The following NEDD4L variants were observed in gnomAD, a reference collection of about 807,000 sequenced individuals.
NEDD4L encodes the protein E3 ubiquitin-protein ligase NEDD4-like.
In NEDD4L, 54 loss-of-function variants were observed where a neutral mutation model predicts 148.9. The observed-to-expected ratio is 0.36, with a 90% CI of 0.29 to 0.45. The LOEUF (loss-of-function observed/expected upper bound fraction) is 0.45, where lower values mean the gene tolerates loss of function less well. NEDD4L is among the 20% of genes least tolerant of loss of function. The pLI is 1.00. For missense variants in NEDD4L, 856 were observed against 1,233.8 expected (o/e 0.69, Z 4.59); for synonymous variants, 433 against 440.7 (o/e 0.98, Z 0.22).
intron 19 of NEDD4L, among the ~76,000 whole-genome samples, chr18:58,359,610 C>T (rs758992030): frequency 6.6e-6 from 1 of 151,700 alleles, no homozygotes; most frequent in Non-Finnish European, 1.5e-5. Context: ...AATTTCTTTG[C>T]CCACCATTGG....
intron 2 of NEDD4L, among the ~76,000 whole-genome samples, chr18:58,240,606 C>G (rs770083405): frequency 3.3e-5 from 5 of 152,160 alleles, no homozygotes; most frequent in Non-Finnish European, 7.4e-5. Flanking sequence ...CAGTTGGCCA[C>G]CCTGTTCTTT....
Position 58,074,966 on chromosome 18 carries a change from T to G in NEDD4L, c.48+30258T>G, listed in dbSNP as rs541017138. On this transcript the variant is annotated intron_variant, in intron 1 of 30. Transcript: ENST00000400345. The stretch of plus-strand genomic sequence containing the variant: ...AGGAGTGTGGAGTGTGAGAGAAGCT[T>G]CTCCATAGGTGAAGAGTTGGATGGA... Among the ~76,000 whole-genome samples the G allele has an allele frequency of 3.3e-5, 5 of 152,162 alleles. No individual in the cohort carries two copies. In the South Asian group the frequency reaches 8.3e-4, roughly 25 times the overall value.
chr18:58,283,151 C>G (rs1439270371), intron 5 of NEDD4L, among the ~76,000 whole-genome samples: 1 of 152,196 alleles, frequency 6.6e-6, no homozygotes, highest in East Asian at 1.9e-4. Context: ...TCTCAGCTCA[C>G]TGCAACCTCC....
At chr18:58,286,190 A>G (rs930003135) in intron 5 of NEDD4L, among the ~76,000 whole-genome samples, 2 of 152,220 alleles carry the variant, frequency 1.3e-5, no homozygotes, top group Admixed American at 1.3e-4. Context: ...ATTTGTGTTA[A>G]TGTAAACGTC....
intron 5 of NEDD4L, among the ~76,000 whole-genome samples, chr18:58,292,692 A>G (rs1434926482): frequency 1.3e-5 from 2 of 152,102 alleles, no homozygotes; most frequent in Non-Finnish European, 2.9e-5. Context: ...TCATCCCCTT[A>G]TGTTCTAGTA....
chr18:58,274,892 T>C (rs2051637431), intron 5 of NEDD4L, among the ~76,000 whole-genome samples: 1 of 152,234 alleles, frequency 6.6e-6, no homozygotes, highest in Non-Finnish European at 1.5e-5. Flanking sequence ...GTTGAGTTTC[T>C]ATAATAATTT....
At chr18:58,223,283 T>C (rs1156944523) in intron 2 of NEDD4L, among the ~76,000 whole-genome samples, 1 of 152,208 alleles carries the variant, frequency 6.6e-6, no homozygotes, top group Non-Finnish European at 1.5e-5. Context: ...GTATTGCAAC[T>C]AAATGTTGAT....
At chr18:58,297,861 T>C (rs192599458) in intron 5 of NEDD4L, among the ~76,000 whole-genome samples, 2 of 152,180 alleles carry the variant, frequency 1.3e-5, no homozygotes, top group South Asian at 4.1e-4. Flanking sequence ...TTTGACTGTT[T>C]CCTATTCCAT....
chr18:58,098,437 T>C (rs2084557326), intron 1 of NEDD4L, among the ~76,000 whole-genome samples: 1 of 152,176 alleles, frequency 6.6e-6, no homozygotes, highest in Admixed American at 6.5e-5. Context: ...GGGCCTTTGA[T>C]CGTGGAGCGC....
intron 2 of NEDD4L, among the ~76,000 whole-genome samples, chr18:58,212,603 G>T (rs1235562288): frequency 6.6e-6 from 1 of 152,134 alleles, no homozygotes; most frequent in Non-Finnish European, 1.5e-5. Context: ...AGATTTGCAT[G>T]GGGACACAGA....
At chr18:58,315,469 TAA>T (rs368631949) in intron 5 of NEDD4L, among the ~76,000 whole-genome samples, 1 of 147,396 alleles carries the variant, frequency 6.8e-6, no homozygotes, top group African/African-American at 2.6e-5. Context: ...CTTACTAGAT[TAA>T]AAAAAAAACA....
intron 1 of NEDD4L, among the ~76,000 whole-genome samples, chr18:58,059,963 A>AT (rs1475776647): frequency 6.6e-6 from 1 of 152,092 alleles, no homozygotes; most frequent in Non-Finnish European, 1.5e-5. Flanking sequence ...AGGTGCTGTC[A>AT]TTTTATAGGT....
At chr18:58,075,723 C>T (rs541294945) in intron 1 of NEDD4L, among the ~76,000 whole-genome samples, 41 of 152,106 alleles carry the variant, frequency 2.7e-4, no homozygotes, top group African/African-American at 8.9e-4. Flanking sequence ...AAAAGGAGTT[C>T]GAGACCAGCC....
intron 19 of NEDD4L, among the ~76,000 whole-genome samples, chr18:58,363,367 A>G (rs1476631977): frequency 1.3e-5 from 2 of 152,342 alleles, no homozygotes; most frequent in Admixed American, 6.5e-5. Context: ...GCTGAAATTC[A>G]TACTAGTGGC....
intron 5 of NEDD4L, among the ~76,000 whole-genome samples, chr18:58,292,538 A>G (rs1202040660): frequency 1.3e-5 from 2 of 151,050 alleles, no homozygotes; most frequent in African/African-American, 4.9e-5. Context: ...TCGCTCCTCT[A>G]CTCTCTCGTA....
intron 2 of NEDD4L, among the ~76,000 whole-genome samples, chr18:58,200,118 T>A (rs184645102): frequency 2.0e-4 from 30 of 152,392 alleles, no homozygotes; most frequent in Admixed American, 6.5e-4. Context: ...CAAAGGTATG[T>A]TCTTTGTTAT....
At chr18:58,117,118 T>C (rs1246940098) in intron 1 of NEDD4L, among the ~76,000 whole-genome samples, 1 of 152,256 alleles carries the variant, frequency 6.6e-6, no homozygotes, top group Non-Finnish European at 1.5e-5. Context: ...ATTTTCCTCT[T>C]CTGGAGCATT....
chr18:58,096,954 GCTTT>G (rs1328935970), intron 1 of NEDD4L, among the ~76,000 whole-genome samples: 5 of 152,126 alleles, frequency 3.3e-5, no homozygotes, highest in African/African-American at 9.7e-5. Flanking sequence ...AGAACTTAGG[GCTTT>G]CTATTTATTC....
intron 2 of NEDD4L, among the ~76,000 whole-genome samples, chr18:58,173,995 C>G (rs1170117441): frequency 6.6e-6 from 1 of 152,230 alleles, no homozygotes; most frequent in Non-Finnish European, 1.5e-5. Flanking sequence ...GCCAGCAACA[C>G]CCCACCTGGG....
Sources: gnomAD v4.1 joint callset for allele counts (sites outside exome capture counted in the v4.1 genomes callset) on GRCh38, gnomAD v4.1.1 for gene constraint, MANE v1.5 for transcripts, NCBI Gene and HGNC (gene_info 2026-07-23, HGNC 2026-07-21) for gene names.